SUDS3: variants seen among roughly 807,000 people sequenced by gnomAD.
SUDS3 encodes sin3 histone deacetylase corepressor complex component SDS3.
In SUDS3, 23 loss-of-function variants were observed where a neutral mutation model predicts 53.5. The ratio of observed to expected loss-of-function variants is 0.43; its 90% CI spans 0.31 to 0.61. The LOEUF (loss-of-function observed/expected upper bound fraction) is 0.61, where lower values mean the gene tolerates loss of function less well. Among genes scored for constraint, SUDS3 ranks in the 20% least tolerant of loss-of-function variants. The pLI is 0.10. For missense variants in SUDS3, 291 were observed against 405.9 expected (o/e 0.72, Z 2.43); for synonymous variants, 150 against 148.5 (o/e 1.01, Z -0.08).
chr12:118,380,141 C>A, intron 1 of SUDS3, 21 bp from the exon 2 acceptor site: 1 of 1,594,318 alleles, frequency 6.3e-7, no homozygotes. Context: ...TAACTAGCCC[C>A]TATTTCCTAA....
chr12:118,384,017 A>G lies in SUDS3; in HGVS notation c.218A>G (p.Tyr73Cys), dbSNP rs778528923. The change falls in exon 3 of 12, where the codon TAT (tyrosine) becomes TGT (cysteine). Residue 73 changes from tyrosine (Y) to cysteine (C), a missense_variant. Physicochemically the swap from Tyr to Cys is radical, Grantham distance 194. Around this residue, in one of 4 missense-constraint regions of SUDS3, gnomAD observed 149 missense variants for 146.5 expected, o/e 1.02. Transcript: ENST00000543473. Reference protein sequence around the residue: ...EDYVEMKEQMYQDKLASLKRQ... With the variant: ...EDYVEMKEQMCQDKLASLKRQ... ...TGACTTTTTTTTTTTTATAGGATGT[A>G]TCAGGACAAACTGGCTTCTCTCAAG... 19 of 1,612,040 alleles carry G rather than the reference A, an allele frequency of 1.2e-5. No individual in the cohort carries two copies. Among genetic ancestry groups the G allele is most frequent in the Non-Finnish European group, 1.5e-5 (18 of 1,179,200 alleles).
At position 118,394,109 on chromosome 12, in the gene SUDS3, T is replaced by A. The variant is rs151211335; in HGVS notation, c.517+2827T>A. ...CACTGAGCCAAGCATTACATAAATA[T>A]ATTAGAGCTAACTTTGCAGGCTGAT... is the stretch of plus-strand genomic sequence containing the variant. On this transcript the variant is annotated intron_variant, in intron 6 of 11. Transcript: ENST00000543473. Among the ~76,000 whole-genome samples, 7 of 152,278 alleles carry A rather than the reference T, an allele frequency of 4.6e-5. No individual in the cohort carries two copies. The East Asian group carries it at 1.3e-3, about 29-fold the overall frequency.
Position 118,403,394 on chromosome 12 carries a change from A to G in SUDS3, c.698-18A>G, listed in dbSNP as rs183428306. ...TGTTTGTTACATTCTTAGTCACGTA[A>G]GTATTGGTTTCCTCCAGCATCTCCA... On this transcript the variant is annotated intron_variant, in intron 9 of 11. Transcript: ENST00000543473. 6.3e-7 allele frequency: 1 copy of G among 1,599,240 alleles called. No homozygotes were observed. The highest frequency in any genetic ancestry group is 2.2e-5 in the East Asian group (1 of 44,758).
At position 118,383,393 on chromosome 12, in the gene SUDS3, G is replaced by A. The variant is rs564291683; in HGVS notation, c.213-619G>A. On this transcript the variant is annotated intron_variant, in intron 2 of 11. Coordinates refer to ENST00000543473, the MANE Select transcript of SUDS3 (RefSeq NM_022491.3). Reference sequence around the variant, plus strand: ...TGCCTATAATCCATTAGGTGTGAGAGGAAAAAACTAACATGCCAAATGCTT... The same window carrying A: ...TGCCTATAATCCATTAGGTGTGAGAAGAAAAAACTAACATGCCAAATGCTT... 1.7e-3 allele frequency among the ~76,000 whole-genome samples: 265 copies of A among 152,318 alleles called. 2 individuals are homozygous for A. Among genetic ancestry groups the A allele is most frequent in the Admixed American group, 6.6e-3 (101 of 15,300 alleles).
chr12:118,378,831 ACC>A (rs1593747733), intron 1 of SUDS3, among the ~76,000 whole-genome samples: 1 of 151,698 alleles, frequency 6.6e-6, no homozygotes, highest in East Asian at 2.0e-4. Context: ...ATGTGCCGCC[ACC>A]CCCAGCTAAT....
At chr12:118,402,194 C>T (rs1261851572) in intron 9 of SUDS3, 190 bp downstream of exon 9, 27 of 583,760 alleles carry the variant, frequency 4.6e-5, no homozygotes, top group Non-Finnish European at 7.8e-5. Flanking sequence ...TTTTCATAAC[C>T]CCTGCTTTGT....
Position 118,400,642 on chromosome 12 carries a change from T to C in SUDS3, c.518-17T>C. On this transcript the variant is annotated splice_polypyrimidine_tract_variant and intron_variant, in intron 6 of 11. Coordinates refer to ENST00000543473, the MANE Select transcript of SUDS3 (RefSeq NM_022491.3). ...AGTGGGAGTTGGATAGATTTACCCATTCCATTCTTGCCACAGATTCTATGG... is the reference window on the plus strand; with the variant it reads ...AGTGGGAGTTGGATAGATTTACCCACTCCATTCTTGCCACAGATTCTATGG... 3.7e-6 allele frequency: 6 copies of C among 1,612,838 alleles called. No homozygotes were observed. Among genetic ancestry groups the C allele is most frequent in the Non-Finnish European group, 5.1e-6 (6 of 1,178,862 alleles).
intron 4 of SUDS3, among the ~76,000 whole-genome samples, chr12:118,387,775 T>A (rs2046128467): frequency 6.6e-6 from 1 of 152,134 alleles, no homozygotes; most frequent in Admixed American, 6.5e-5. Context: ...GCTCTCAAAC[T>A]CCTGACCTCA....
intron 2 of SUDS3, among the ~76,000 whole-genome samples, chr12:118,383,173 A>T (rs1261061488): frequency 1.3e-5 from 2 of 152,198 alleles, no homozygotes; most frequent in Non-Finnish European, 2.9e-5. Flanking sequence ...TATCACGCCC[A>T]TGTGCTCACT....
At chr12:118,380,541 G>A (rs775930646) in intron 2 of SUDS3, among the ~76,000 whole-genome samples, 1 of 152,080 alleles carries the variant, frequency 6.6e-6, no homozygotes, top group African/African-American at 2.4e-5. Flanking sequence ...TGACCATAGC[G>A]CTTCCAAAGA....
chr12:118,382,741 C>G (rs2046078170), intron 2 of SUDS3, among the ~76,000 whole-genome samples: 1 of 151,100 alleles, frequency 6.6e-6, no homozygotes, highest in Non-Finnish European at 1.5e-5. Flanking sequence ...GATCTCGGCT[C>G]ACTGCAACCT....
chr12:118,414,169 G>A (rs1226172501), intron 11 of SUDS3, among the ~76,000 whole-genome samples, 166 bp from the exon 12 acceptor site: 1 of 152,196 alleles, frequency 6.6e-6, no homozygotes, highest in Non-Finnish European at 1.5e-5. Context: ...TAGATGGCCC[G>A]AGGTCAGGGG....
chr12:118,391,911 T>A (rs1006415303), intron 6 of SUDS3, among the ~76,000 whole-genome samples: 2 of 152,212 alleles, frequency 1.3e-5, no homozygotes, highest in South Asian at 4.1e-4. Context: ...GAAAGTTACA[T>A]GAGACTCAGA....
At chr12:118,391,377 A>G in intron 6 of SUDS3, 95 bp downstream of exon 6, 1 of 1,404,340 alleles carries the variant, frequency 7.1e-7, no homozygotes. Flanking sequence ...TCAAGAGCAG[A>G]GCAAGGTGGA....
intron 11 of SUDS3, among the ~76,000 whole-genome samples, chr12:118,413,184 T>C (rs755061317): frequency 1.3e-5 from 2 of 152,232 alleles, no homozygotes; most frequent in South Asian, 4.1e-4. Context: ...TGCTGAATAA[T>C]CACATTAAAG....
intron 9 of SUDS3, among the ~76,000 whole-genome samples, chr12:118,402,952 G>T (rs980380270): frequency 2.0e-5 from 3 of 152,046 alleles, no homozygotes; most frequent in African/African-American, 7.2e-5. Flanking sequence ...CTAGAGATGG[G>T]GTTTCACCAT....
intron 10 of SUDS3, among the ~76,000 whole-genome samples, chr12:118,407,932 C>T (rs976649104): frequency 2.0e-5 from 3 of 151,876 alleles, no homozygotes; most frequent in East Asian, 3.9e-4. Context: ...GACAGAGTCT[C>T]GCACTGTCAC....
intron 10 of SUDS3, among the ~76,000 whole-genome samples, chr12:118,406,297 C>G (rs116140280): frequency 6.6e-6 from 1 of 152,032 alleles, no homozygotes; most frequent in African/African-American, 2.4e-5. Context: ...AGCCTTCGGT[C>G]GACACAAAAG....
intron 2 of SUDS3, among the ~76,000 whole-genome samples, chr12:118,381,900 C>T (rs1334715506): frequency 6.6e-6 from 1 of 152,190 alleles, no homozygotes; most frequent in Non-Finnish European, 1.5e-5. Context: ...TACCTTTTAA[C>T]AGGATGATCC....
Sources: allele counts gnomAD v4.1 joint callset (sites outside exome capture counted in the v4.1 genomes callset), GRCh38; gene constraint gnomAD v4.1.1; regional missense constraint gnomAD v4.1.1; transcripts MANE v1.5; gene names NCBI Gene and HGNC (gene_info 2026-07-23, HGNC 2026-07-21).